The following MAPRE2 variants were observed in gnomAD, a reference collection of about 807,000 sequenced individuals.
The protein encoded by MAPRE2 is microtubule-associated protein RP/EB family member 2.
MAPRE2 carries 13 observed loss-of-function variants against 43.2 expected under a neutral mutation model. The observed-to-expected ratio is 0.30, with a 90% CI of 0.20 to 0.48. The LOEUF (loss-of-function observed/expected upper bound fraction) is 0.48, where lower values mean the gene tolerates loss of function less well. Ranked by LOEUF, MAPRE2 falls within the 20% of genes least tolerant of loss-of-function variation. MAPRE2 has a pLI of 0.99. For missense variants in MAPRE2, 161 were observed against 400.2 expected (o/e 0.40, Z 5.10); for synonymous variants, 135 against 148.8 (o/e 0.91, Z 0.68).
intron 1 of MAPRE2, among the ~76,000 whole-genome samples, chr18:35,047,174 C>A (rs1036317063): frequency 2.0e-5 from 3 of 152,166 alleles, no homozygotes; most frequent in Non-Finnish European, 4.4e-5. Flanking sequence ...TTATTTTAGT[C>A]AATTTCACTT....
chr18:35,048,643 G>C (rs1905769966), intron 1 of MAPRE2, among the ~76,000 whole-genome samples: 1 of 148,484 alleles, frequency 6.7e-6, no homozygotes, highest in Admixed American at 6.7e-5. Context: ...TATACTATAT[G>C]TGTATATGTG....
chr18:35,135,990 C>T (rs1910375339), intron 6 of MAPRE2, among the ~76,000 whole-genome samples: 2 of 152,166 alleles, frequency 1.3e-5, no homozygotes, highest in South Asian at 4.1e-4. Context: ...GAGATCTCTT[C>T]CCCTGAGTGA....
chr18:35,005,979 G>A (rs1054998870), intron 2 of MAPRE2, among the ~76,000 whole-genome samples: 6 of 152,138 alleles, frequency 3.9e-5, no homozygotes, highest in South Asian at 4.1e-4. Context: ...GCGTGCGAGC[G>A]TGCGAGCATG....
At chr18:35,004,474 C>T (rs149284968) in intron 1 of MAPRE2, among the ~76,000 whole-genome samples, 46 of 152,200 alleles carry the variant, frequency 3.0e-4, no homozygotes, top group Admixed American at 5.2e-4. Context: ...CCTCCGTAAC[C>T]GTTCATCCCC....
chr18:35,041,253 G>C, upstream of MAPRE2: 1 of 1,240,266 alleles, frequency 8.1e-7, no homozygotes, highest in Non-Finnish European at 1.0e-6. Context: ...AGCTGCTGGC[G>C]TGGTCACGCC....
Position 34,985,401 on chromosome 18 carries a change from A to T in MAPRE2, c.-70+8322A>T, listed in dbSNP as rs1335970513. 1.6e-3 allele frequency among the ~76,000 whole-genome samples: 79 copies of T among 50,756 alleles called. 5 individuals are homozygous for T. The highest frequency in any genetic ancestry group is 5.5e-3 in the African/African-American group (69 of 12,528). 33.3% of individuals were successfully genotyped at this position (50,756 alleles called of 152,430 possible). On this transcript the variant is annotated intron_variant, in intron 1 of 7. Transcript: ENST00000413393. ...ATTATTTTATATATATATAATATAT[A>T]ATATATTATAAATATAATATGTAAA...
At chr18:34,990,957 G>A (rs1346318341) in intron 1 of MAPRE2, among the ~76,000 whole-genome samples, 1 of 152,166 alleles carries the variant, frequency 6.6e-6, no homozygotes, top group African/African-American at 2.4e-5. Context: ...GGAATGTTTT[G>A]TGAACTTGGG....
At chr18:35,097,665 A>G in intron 3 of MAPRE2, 74 bp downstream of exon 3, 1 of 1,372,360 alleles carries the variant, frequency 7.3e-7, no homozygotes, top group Non-Finnish European at 1.0e-6. Flanking sequence ...GCAAAAGTCC[A>G]GGAGCATACC....
chr18:34,979,383 A>G (rs1205381514), intron 1 of MAPRE2, among the ~76,000 whole-genome samples: 5 of 152,204 alleles, frequency 3.3e-5, no homozygotes, highest in African/African-American at 9.7e-5. Context: ...AAGTAATTAC[A>G]GCGAGTAGTT....
chr18:35,022,821 C>G (rs2097042764), intron 2 of MAPRE2, among the ~76,000 whole-genome samples: 1 of 152,120 alleles, frequency 6.6e-6, no homozygotes, highest in Non-Finnish European at 1.5e-5. Flanking sequence ...CAAGAAAACA[C>G]AGTAGAGAGT....
At chr18:35,030,659 A>G (rs1568976932) in intron 2 of MAPRE2, among the ~76,000 whole-genome samples, 1 of 152,220 alleles carries the variant, frequency 6.6e-6, no homozygotes, top group Non-Finnish European at 1.5e-5. Context: ...ATTAGAGAAT[A>G]TTCCACATCT....
intron 2 of MAPRE2, among the ~76,000 whole-genome samples, chr18:35,033,496 T>C (rs1432071301): frequency 6.6e-6 from 1 of 151,544 alleles, no homozygotes; most frequent in East Asian, 1.9e-4. Flanking sequence ...AACATAGTGT[T>C]GGAAGTTCTG....
intron 1 of MAPRE2, among the ~76,000 whole-genome samples, chr18:34,981,124 T>C (rs1291354562): frequency 6.6e-6 from 1 of 151,236 alleles, no homozygotes; most frequent in African/African-American, 2.4e-5. Context: ...AAAATAGAAT[T>C]AACTTTGGGA....
At chr18:35,107,735 T>C (rs1908973534) in intron 4 of MAPRE2, among the ~76,000 whole-genome samples, 1 of 152,134 alleles carries the variant, frequency 6.6e-6, no homozygotes, top group Non-Finnish European at 1.5e-5. Flanking sequence ...TGTTTGATGG[T>C]ATTATTCAGA....
At chr18:35,063,183 A>C (rs1323514608) in intron 1 of MAPRE2, among the ~76,000 whole-genome samples, 1 of 151,880 alleles carries the variant, frequency 6.6e-6, no homozygotes, top group Non-Finnish European at 1.5e-5. Flanking sequence ...GGCTCACTGC[A>C]AGCTCCACCT....
In MAPRE2 at chr18:35,004,442, T is replaced by C. The variant is rs115248380; in HGVS notation, c.-69-1050T>C. Among the ~76,000 whole-genome samples, 1,266 of 152,248 alleles carry C rather than the reference T, an allele frequency of 8.3e-3. 18 individuals are homozygous for C. The highest frequency in any genetic ancestry group is 0.029 in the African/African-American group (1,200 of 41,540). The stretch of plus-strand genomic sequence containing the variant: ...GCAAGTCAGGTCATTCATAGCAGCA[T>C]CCAGTTGAAACATAGCAACCTCCTC... On this transcript the variant is annotated intron_variant, in intron 1 of 7. Coordinates refer to the MAPRE2 transcript ENST00000413393.
chr18:35,020,551 CAA>C (rs34608748), intron 2 of MAPRE2, among the ~76,000 whole-genome samples: 81,916 of 143,850 alleles, frequency 0.57, 23,364 homozygotes, highest in East Asian at 0.71. Context: ...CTTGGCTTGT[CAA>C]AAAAAAAAAA....
upstream of MAPRE2, chr18:35,041,399 C>G (rs554526442): frequency 6.6e-7 from 1 of 1,509,542 alleles, no homozygotes; most frequent in Non-Finnish European, 8.8e-7. Context: ...GGGCGGGGCG[C>G]GAGCGAGAGC....
At chr18:35,132,235 C>T (rs777716386) in intron 6 of MAPRE2, 45 bp downstream of exon 6, 1 of 1,594,186 alleles carries the variant, frequency 6.3e-7, no homozygotes, top group African/African-American at 1.3e-5. Flanking sequence ...AAATGACTCT[C>T]TTGGTCAAAA....
Sources: allele counts gnomAD v4.1 joint callset (sites outside exome capture counted in the v4.1 genomes callset), GRCh38; gene constraint gnomAD v4.1.1; transcripts MANE v1.5; gene names NCBI Gene and HGNC (gene_info 2026-07-23, HGNC 2026-07-21).